The following ZHX1 variants were observed in gnomAD, a reference collection of about 807,000 sequenced individuals.
ZHX1 encodes the protein zinc fingers and homeoboxes protein 1.
A neutral mutation model predicts 61.8 loss-of-function variants in ZHX1; 20 were observed. The ratio of observed to expected loss-of-function variants is 0.32; its 90% CI spans 0.23 to 0.47. The LOEUF is 0.47. Among genes scored for constraint, ZHX1 ranks in the 20% least tolerant of loss-of-function variants. The pLI, the probability that ZHX1 is intolerant of heterozygous loss-of-function variation, is 1.00. For synonymous variants in ZHX1, 318 were observed against 352.6 expected (o/e 0.90, Z 1.10); for missense variants, 800 against 1,034.8 (o/e 0.77, Z 3.11).
intron 2 of ZHX1, among the ~76,000 whole-genome samples, chr8:123,266,567 A>G (rs1263814281): frequency 2.0e-5 from 3 of 152,194 alleles, no homozygotes; most frequent in African/African-American, 7.2e-5. Context: ...GCTTCTTATA[A>G]AAGCCAATTA....
intron 3 of ZHX1, chr8:123,252,422 C>CA (rs1459406759): frequency 6.6e-6 from 1 of 152,058 alleles, no homozygotes; most frequent in Non-Finnish European, 1.5e-5. Flanking sequence ...AGGAACATGC[C>CA]AAAACCTTTC....
intron 1 of ZHX1, 76 bp downstream of exon 1, chr8:123,274,141 G>A (rs981138437): frequency 3.3e-5 from 5 of 152,890 alleles, no homozygotes; most frequent in Non-Finnish European, 5.8e-5. Flanking sequence ...GCCGGCCGCG[G>A]ACTCTGCGCT....
chr8:123,262,620 C>T (rs1826310681), intron 2 of ZHX1, among the ~76,000 whole-genome samples: 2 of 152,144 alleles, frequency 1.3e-5, no homozygotes, highest in Non-Finnish European at 2.9e-5. Flanking sequence ...GTTGGGATTA[C>T]AGGCATGAGC....
chr8:123,253,473 G>C lies in ZHX1; in HGVS notation c.2474C>G (p.Ser825Ter), dbSNP rs1466567279. Residue 825 changes from serine to a stop codon, truncating the protein, a stop_gained, in exon 3 of 4, where the codon TCA becomes TGA. Transcript: ENST00000395571. LOFTEE classifies it high-confidence loss of function. ...CTCAAATAATTCTATACCTAATTCT[G>C]ATCTTCTCTGTCTTTCTGCAAACCA... ...REWFAERQRR[S>*]ELGIELFEEN... 1 of 1,614,006 alleles carries C rather than the reference G, an allele frequency of 6.2e-7. No individual in the cohort carries two copies. Among genetic ancestry groups the C allele is most frequent in the Non-Finnish European group, 8.5e-7 (1 of 1,179,988 alleles).
intron 2 of ZHX1, among the ~76,000 whole-genome samples, chr8:123,258,777 T>G (rs555791600): frequency 6.6e-6 from 1 of 152,282 alleles, no homozygotes; most frequent in Non-Finnish European, 1.5e-5. Flanking sequence ...ATAAAATATA[T>G]TTAAATAAAT....
At position 123,253,650 on chromosome 8, in the gene ZHX1, A is replaced by G. The variant is rs1825979556; in HGVS notation, c.2297T>C (p.Ile766Thr). The G allele has an allele frequency of 1.2e-6, 2 of 1,614,186 alleles. No individual in the cohort carries two copies. Among genetic ancestry groups the G allele is most frequent in the Non-Finnish European group, 8.5e-7 (1 of 1,180,032 alleles). ...PRGRPRGSKR[I>T]NNWDRGPSLI... Reference sequence around the variant, plus strand: ...TGATGGTCCCCTGTCCCAGTTGTTAATTCTTTTGCTTCCTCTAGGCCGCCC... The same window carrying G: ...TGATGGTCCCCTGTCCCAGTTGTTAGTTCTTTTGCTTCCTCTAGGCCGCCC... Residue 766 changes from isoleucine to threonine, a missense_variant, in exon 3 of 4, where the codon ATT (isoleucine) becomes ACT (threonine). Transcript: ENST00000395571.
At chr8:123,270,743 G>A (rs1306978942) in intron 1 of ZHX1, among the ~76,000 whole-genome samples, 5 of 146,748 alleles carry the variant, frequency 3.4e-5, no homozygotes, top group African/African-American at 1.0e-4. Flanking sequence ...CCATGATCAT[G>A]CCACTGCACT....
rs1826017971 is a variant in ZHX1 at position 123,254,678 on chromosome 8, T to C, written c.1269A>G (p.Gln423=). The change falls in exon 3 of 4, where the codon CAA becomes CAG. Residue 423 remains glutamine (Q), a synonymous_variant. Transcript: ENST00000395571. The surrounding 1 kb of genome is among the most constrained non-coding windows in gnomAD (Gnocchi z 4.1). ...IALTVAGVPS[Q]NNIQKSQVPA... ...GTACCTGACTTTTCTGTATATTATT[T>C]TGACTTGGAACGCCTGCCACTGTCA... 1 of 1,614,138 alleles carries C rather than the reference T, an allele frequency of 6.2e-7. No homozygotes were observed. Among genetic ancestry groups the C allele is most frequent in the African/African-American group, 1.3e-5 (1 of 75,034 alleles).
Position 123,256,824 on chromosome 8 carries a change from C to CT in ZHX1, c.-225-654dup, listed in dbSNP as rs200893905. Among the ~76,000 whole-genome samples the CT allele has an allele frequency of 1.2e-3, 178 of 152,052 alleles. 1 individual carries two copies. In the East Asian group the frequency reaches 0.03, roughly 26 times the overall value. On this transcript the variant is annotated intron_variant, in intron 2 of 3. Transcript: ENST00000395571. ...GTTCATTAGTTATGTCCTCTTCTTC[C>CT]TACTGGTCTATCTCATCAGCCAAAA...
At position 123,253,479 on chromosome 8, in the gene ZHX1, CTCTG is replaced by C; in HGVS notation, c.2464_2467del (p.Gln822GlufsTer5). 1 of 1,614,156 alleles carries C rather than the reference CTCTG, an allele frequency of 6.2e-7. No individual in the cohort carries two copies. The highest frequency in any genetic ancestry group is 8.5e-7 in the Non-Finnish European group (1 of 1,180,010). On this transcript the variant is annotated frameshift_variant, in exon 3 of 4. Transcript: ENST00000395571. LOFTEE classifies it high-confidence loss of function. ...TAATTCTATACCTAATTCTGATCTT[CTCTG>C]TCTTTCTGCAAACCACTCTCTGACC...
chr8:123,268,422 A>G (rs1413054173), intron 1 of ZHX1, among the ~76,000 whole-genome samples: 1 of 152,238 alleles, frequency 6.6e-6, no homozygotes, highest in Non-Finnish European at 1.5e-5. Flanking sequence ...AGAAAAGTTT[A>G]ATAAAGCTAC....
At chr8:123,264,615 C>G (rs1429958471) in intron 2 of ZHX1, among the ~76,000 whole-genome samples, 1 of 151,964 alleles carries the variant, frequency 6.6e-6, no homozygotes, top group Admixed American at 6.6e-5. Context: ...CTGGAGTGCA[C>G]TGGGGCAATC....
chr8:123,257,663 C>T (rs945471078), intron 2 of ZHX1, among the ~76,000 whole-genome samples: 15 of 152,146 alleles, frequency 9.9e-5, no homozygotes, highest in Admixed American at 7.9e-4. Context: ...ACAGGGAGTG[C>T]GCAACCTAGA....
intron 2 of ZHX1, among the ~76,000 whole-genome samples, chr8:123,257,730 G>A (rs1265584196): frequency 1.3e-5 from 2 of 152,154 alleles, no homozygotes; most frequent in Non-Finnish European, 2.9e-5. Flanking sequence ...TAATGCTGCT[G>A]CTCATCTAAC....
chr8:123,261,119 A>G (rs888070336), intron 2 of ZHX1, among the ~76,000 whole-genome samples: 1 of 152,248 alleles, frequency 6.6e-6, no homozygotes, highest in Non-Finnish European at 1.5e-5. Context: ...ATTTCTAAAA[A>G]GAGACTGAGA....
chr8:123,275,119 C>T (rs1826803064), upstream of ZHX1, among the ~76,000 whole-genome samples: 1 of 152,252 alleles, frequency 6.6e-6, no homozygotes, highest in South Asian at 2.1e-4. Context: ...CCGCCCTCCT[C>T]CCTGCGAACC....
intron 2 of ZHX1, 44 bp downstream of exon 2, chr8:123,267,229 T>C: frequency 6.6e-7 from 1 of 1,517,640 alleles, no homozygotes; most frequent in Non-Finnish European, 8.8e-7. Context: ...AGTGAGTACA[T>C]TCAGTATCTG....
At position 123,251,434 on chromosome 8, in the gene ZHX1, G is replaced by A. The variant is rs1207920450; in HGVS notation, c.*4-1114C>T. 2.0e-5 allele frequency among the ~76,000 whole-genome samples: 3 copies of A among 152,026 alleles called. No homozygotes were observed. The South Asian group carries it at 6.2e-4, about 31-fold the overall frequency. ...CTTTTGAAAACTGTAGTTTTAGGAT[G>A]AATTTTCTGACCAGAATTAGTATCC... On this transcript the variant is annotated intron_variant, in intron 3 of 3. Coordinates refer to ENST00000395571, the MANE Select transcript of ZHX1 (RefSeq NM_007222.5).
rs186705245 is a variant in ZHX1, at chr8:123,258,255, C to T, written c.-225-2084G>A. On this transcript the variant is annotated intron_variant, in intron 2 of 3. Transcript: ENST00000395571. ...ACCTCCCCACTGTCTCTCTTGCTTCCTTTCTTGCCATGTGATCTCTGCCCA... is the reference window on the plus strand; with the variant it reads ...ACCTCCCCACTGTCTCTCTTGCTTCTTTTCTTGCCATGTGATCTCTGCCCA... Among the ~76,000 whole-genome samples the T allele has an allele frequency of 3.9e-4, 59 of 152,286 alleles. No individual in the cohort carries two copies. The East Asian group carries it at 8.3e-3, about 21-fold the overall frequency.
Sources: gnomAD v4.1 joint callset for allele counts (sites outside exome capture counted in the v4.1 genomes callset) on GRCh38, gnomAD v4.1.1 for gene constraint, Gnocchi (gnomAD v3.1) non-coding constraint, MANE v1.5 for transcripts, NCBI Gene and HGNC (gene_info 2026-07-23, HGNC 2026-07-21) for gene names.